The following DPP10 variants were observed in gnomAD, a reference collection of about 807,000 sequenced individuals.
DPP10 encodes dipeptidyl peptidase like 10.
In DPP10, 33 loss-of-function variants were observed where a neutral mutation model predicts 120.9. The observed-to-expected ratio is 0.27, with a 90% CI of 0.21 to 0.37. DPP10 has a LOEUF of 0.37. Ranked by LOEUF, DPP10 falls within the 10% of genes least tolerant of loss-of-function variation. The pLI, the probability that DPP10 is intolerant of heterozygous loss-of-function variation, is 1.00. For synonymous variants in DPP10, 337 were observed against 326.1 expected (o/e 1.03, Z -0.36); for missense variants, 816 against 942.8 (o/e 0.87, Z 1.76).
intron 1 of DPP10, among the ~76,000 whole-genome samples, chr2:115,230,591 GCTTT>G (rs1220671980): frequency 6.6e-6 from 1 of 151,818 alleles, no homozygotes; most frequent in African/African-American, 2.4e-5. Flanking sequence ...TAATTGAAGA[GCTTT>G]TTATTTATTA....
intron 10 of DPP10, among the ~76,000 whole-genome samples, chr2:115,747,795 G>C (rs768648245): frequency 2.6e-5 from 4 of 151,986 alleles, no homozygotes; most frequent in Non-Finnish European, 5.9e-5. Flanking sequence ...GGGTTTCACT[G>C]TGTTAGCCAG....
intron 1 of DPP10, among the ~76,000 whole-genome samples, chr2:114,565,336 T>C (rs1689115934): frequency 6.6e-6 from 1 of 152,216 alleles, no homozygotes; most frequent in Non-Finnish European, 1.5e-5. Flanking sequence ...TGGATTGGAT[T>C]GATTAAGTGG....
rs185128236 is a variant in DPP10 at position 114,557,378 on chromosome 2, A to G, written c.60+114540A>G. On this transcript the variant is annotated intron_variant, in intron 1 of 25. Coordinates refer to ENST00000410059, the MANE Select transcript of DPP10 (RefSeq NM_020868.6). ...TATAGGTGGGGCATATTGGAAACAA[A>G]GCATTTAATAAAATGTAATAGTTGT... Among the ~76,000 whole-genome samples, 27 of 152,300 alleles carry G rather than the reference A, an allele frequency of 1.8e-4. No individual in the cohort carries two copies. In the East Asian group the frequency reaches 5.2e-3, roughly 29 times the overall value.
chr2:115,460,705 T>C (rs1415062871), intron 3 of DPP10, among the ~76,000 whole-genome samples: 1 of 152,114 alleles, frequency 6.6e-6, no homozygotes, highest in East Asian at 1.9e-4. Flanking sequence ...AGAAATGGCA[T>C]AGGAAGATCA....
chr2:115,259,936 T>C (rs1574202150), intron 1 of DPP10, among the ~76,000 whole-genome samples: 1 of 152,054 alleles, frequency 6.6e-6, no homozygotes, highest in Non-Finnish European at 1.5e-5. Context: ...TCGTTATAGG[T>C]CAGTCGGTCA....
intron 1 of DPP10, among the ~76,000 whole-genome samples, chr2:114,764,017 A>G (rs1222105431): frequency 6.6e-6 from 1 of 152,162 alleles, no homozygotes; most frequent in Non-Finnish European, 1.5e-5. Flanking sequence ...AATTTGGGAC[A>G]CTGAAAAGAG....
chr2:115,026,625 T>C (rs1703480433), intron 1 of DPP10, among the ~76,000 whole-genome samples: 1 of 152,148 alleles, frequency 6.6e-6, no homozygotes, highest in South Asian at 2.1e-4. Flanking sequence ...AACCTCTGCC[T>C]CCTGTGTTCA....
intron 5 of DPP10, among the ~76,000 whole-genome samples, chr2:115,593,068 A>T (rs929847133): frequency 1.3e-5 from 2 of 152,240 alleles, no homozygotes; most frequent in African/African-American, 4.8e-5. Context: ...CCAAAAAAGT[A>T]GAAAGATAAA....
intron 4 of DPP10, among the ~76,000 whole-genome samples, chr2:115,507,842 G>A (rs540113574): frequency 6.6e-6 from 1 of 152,122 alleles, no homozygotes; most frequent in Non-Finnish European, 1.5e-5. Context: ...TATTGCAGTG[G>A]TACAAGTAGG....
At chr2:115,101,592 A>C (rs2048695412) in intron 1 of DPP10, among the ~76,000 whole-genome samples, 1 of 152,256 alleles carries the variant, frequency 6.6e-6, no homozygotes, top group Non-Finnish European at 1.5e-5. Context: ...CACTGAAAAC[A>C]GGCAGCCTTT....
At chr2:115,256,471 C>G (rs938043784) in intron 1 of DPP10, among the ~76,000 whole-genome samples, 1 of 152,162 alleles carries the variant, frequency 6.6e-6, no homozygotes, top group East Asian at 1.9e-4. Context: ...GTACCTGGGA[C>G]CCTCTGAGCC....
intron 1 of DPP10, among the ~76,000 whole-genome samples, chr2:114,933,933 G>A (rs912904229): frequency 2.0e-5 from 3 of 152,156 alleles, no homozygotes; most frequent in African/African-American, 7.2e-5. Context: ...TCTAGAGGAA[G>A]GAAGGAAATG....
At chr2:115,174,296 G>C (rs2053557615) in intron 1 of DPP10, among the ~76,000 whole-genome samples, 1 of 152,124 alleles carries the variant, frequency 6.6e-6, no homozygotes, top group African/African-American at 2.4e-5. Context: ...GAGAAAATGT[G>C]GTTCTCGTAT....
chr2:114,550,532 T>G (rs1687802124), intron 1 of DPP10, among the ~76,000 whole-genome samples: 1 of 152,220 alleles, frequency 6.6e-6, no homozygotes, highest in South Asian at 2.1e-4. Context: ...CCCTGGCACC[T>G]GCTGGTGTGG....
chr2:115,452,571 A>T (rs925550458), intron 3 of DPP10, among the ~76,000 whole-genome samples: 1 of 151,940 alleles, frequency 6.6e-6, no homozygotes, highest in Admixed American at 6.6e-5. Flanking sequence ...TTCTGCTTGC[A>T]AGGTATCTGT....
At chr2:115,071,752 A>G (rs993294240) in intron 1 of DPP10, among the ~76,000 whole-genome samples, 1 of 152,132 alleles carries the variant, frequency 6.6e-6, no homozygotes, top group Admixed American at 6.5e-5. Flanking sequence ...GGCGTGGCTG[A>G]GGCCTGGCAG....
chr2:114,909,488 C>T (rs1694205501), intron 1 of DPP10, among the ~76,000 whole-genome samples: 2 of 151,940 alleles, frequency 1.3e-5, no homozygotes, highest in Non-Finnish European at 2.9e-5. Context: ...TAGGATAAGA[C>T]TCCACAAAAA....
At chr2:115,151,320 T>C (rs1296768344) in intron 1 of DPP10, among the ~76,000 whole-genome samples, 1 of 152,178 alleles carries the variant, frequency 6.6e-6, no homozygotes, top group Admixed American at 6.5e-5. Context: ...TTTTACTTCG[T>C]GTTGATTGTA....
intron 5 of DPP10, among the ~76,000 whole-genome samples, chr2:115,581,847 A>G (rs1172067313): frequency 2.0e-5 from 3 of 152,128 alleles, no homozygotes; most frequent in Admixed American, 2.0e-4. Context: ...TGTGTTCACC[A>G]CAAATTACAA....
Sources: gnomAD v4.1 joint callset for allele counts (sites outside exome capture counted in the v4.1 genomes callset) on GRCh38, gnomAD v4.1.1 for gene constraint, MANE v1.5 for transcripts, NCBI Gene and HGNC (gene_info 2026-07-23, HGNC 2026-07-21) for gene names.